The following CFAP46 variants were observed in gnomAD, a reference collection of about 807,000 sequenced individuals.
The protein encoded by CFAP46 is cilia and flagella associated protein 46, also known as cilia- and flagella-associated protein 46.
CFAP46 carries 245 observed loss-of-function variants against 325.7 expected under a neutral mutation model. The observed-to-expected ratio is 0.75, with a 90% CI of 0.68 to 0.84. CFAP46 has a LOEUF of 0.84. CFAP46 is among the 40% of genes least tolerant of loss of function. The probability of loss-of-function intolerance (pLI) is 0.00; values close to 1 mark genes in which losing one functional copy is unlikely to be tolerated. For synonymous variants in CFAP46, 1,523 were observed against 1,495.9 expected, an observed-to-expected ratio of 1.02 and a Z score of -0.42; for missense variants, 3,346 against 3,543.0, an observed-to-expected ratio of 0.94 and a Z score of 1.41.
intron 9 of CFAP46, among the ~76,000 whole-genome samples, chr10:132,927,600 A>G (rs1391580379): frequency 6.6e-6 from 1 of 152,206 alleles, no homozygotes; most frequent in Admixed American, 6.5e-5. Context: ...CCACTAAGGA[A>G]GCCATGCCAG....
intron 50 of CFAP46, among the ~76,000 whole-genome samples, chr10:132,821,825 CTG>C (rs1196240332): frequency 2.8e-3 from 286 of 103,294 alleles, no homozygotes; most frequent in African/African-American, 0.012. Context: ...TGTGTGCTGT[CTG>C]TGCGCTGTGT....
Position 132,832,889 on chromosome 10 carries a change from T to G in CFAP46, c.7117+469A>C, listed in dbSNP as rs954689932. The G allele has an allele frequency of 7.6e-5, 35 of 458,766 alleles. No individual in the cohort carries two copies. The highest frequency in any genetic ancestry group is 4.0e-4 in the Admixed American group (17 of 42,386). 28.4% of individuals were successfully genotyped at this position (458,766 alleles called of 1,614,324 possible). On this transcript the variant is annotated intron_variant, in intron 50 of 57. Transcript: ENST00000368586. This position sits in a 1 kb window ranked among gnomAD's most constrained non-coding sequence, Gnocchi z 4.1. ...GTATTTGTGGGGGCAAGAACAGCGT[T>G]AAGTTTGTCTTCCCTGTGTGTTTAG...
At chr10:132,933,231 G>A (rs1159168058) in intron 8 of CFAP46, among the ~76,000 whole-genome samples, 1 of 152,134 alleles carries the variant, frequency 6.6e-6, no homozygotes, top group African/African-American at 2.4e-5. Context: ...CTCTGCTGTT[G>A]GGCCCTCTCA....
chr10:132,925,014 C>T (rs975266879), intron 10 of CFAP46, 128 bp from the exon 11 acceptor site: 2 of 694,856 alleles, frequency 2.9e-6, no homozygotes, highest in African/African-American at 3.8e-5. Flanking sequence ...GCGTCATGCT[C>T]AAATCTGTCC....
At position 132,832,388 on chromosome 10, in the gene CFAP46, G is replaced by GCCC. The variant is rs60514588; in HGVS notation, c.7117+967_7117+969dup. ...TTGCGGAGACCCCTGGGCTCTTCCT[G>GCCC]CCCCCCCCCCCCAATGCTGTGGCCT... is the stretch of plus-strand genomic sequence containing the variant. On this transcript the variant is annotated intron_variant, in intron 50 of 57. Transcript: ENST00000368586. The surrounding 1 kb of genome is among the most constrained non-coding windows in gnomAD (Gnocchi z 4.1). Among the ~76,000 whole-genome samples, 21 of 106,048 alleles carry GCCC rather than the reference G, an allele frequency of 2.0e-4. 1 individual carries two copies. The highest frequency in any genetic ancestry group is 6.8e-4 in the African/African-American group (17 of 25,028). The allele number at this position is 106,048 out of a possible 152,430, so 69.6% of individuals were successfully genotyped here.
At position 132,913,151 on chromosome 10, in the gene CFAP46, T is replaced by C. The variant is rs1367631763; in HGVS notation, c.2228A>G (p.Tyr743Cys). 17 of 1,550,324 alleles carry C rather than the reference T, an allele frequency of 1.1e-5. No homozygotes were observed. The highest frequency in any genetic ancestry group is 1.3e-5 in the Non-Finnish European group (15 of 1,147,000). Residue 743 changes from tyrosine to cysteine, a missense_variant, in exon 18 of 58, where the codon TAC becomes TGC. Physicochemically the swap from Tyr to Cys is radical, Grantham distance 194. Transcript: ENST00000368586. The stretch of plus-strand genomic sequence containing the variant: ...CAGGTGGTGGTTGTGGTTCAGGACG[T>C]AGACCACGGCGTTCTGCACAATCCA... ...EAWIVQNAVV[Y>C]VLNHNHHLIL...
At chr10:132,843,375 G>A (rs1467575670) in intron 44 of CFAP46, among the ~76,000 whole-genome samples, 12 of 147,192 alleles carry the variant, frequency 8.2e-5, no homozygotes, top group South Asian at 2.2e-4. Context: ...CTCAGTGGGC[G>A]TTCCCAAGGT....
In CFAP46 at chr10:132,924,797, G is replaced by GGCC. The variant is rs1383355726; in HGVS notation, c.1154_1155insGGC (p.Ala385dup). On this transcript the variant is annotated inframe_insertion, in exon 11 of 58. Transcript: ENST00000368586. ...GGGGCAGGCAGGTGTTCCACTGCGT[G>GGCC]GCGCACACCACGTGGATGACCCGGG... 6.6e-7 allele frequency: 1 copy of GGCC among 1,510,666 alleles called. No individual in the cohort carries two copies. Among genetic ancestry groups the GGCC allele is most frequent in the Admixed American group, 2.3e-5 (1 of 43,770 alleles). The allele number at this position is 1,510,666 out of a possible 1,614,324, so 93.6% of individuals were successfully genotyped here.
At chr10:132,935,421 C>T (rs1194977674) in intron 7 of CFAP46, among the ~76,000 whole-genome samples, 16 of 143,748 alleles carry the variant, frequency 1.1e-4, no homozygotes, top group Admixed American at 2.0e-4. Flanking sequence ...ACACTGAGAT[C>T]TTCTCATTCC....
chr10:132,912,961 T>C, intron 18 of CFAP46, 85 bp downstream of exon 18: 8 of 1,498,596 alleles, frequency 5.3e-6, no homozygotes, highest in Non-Finnish European at 5.4e-6. Flanking sequence ...CAGAGGGCCA[T>C]GGAGTGCAGC....
At position 132,923,269 on chromosome 10, in the gene CFAP46, T is replaced by C. The variant is rs560951960; in HGVS notation, c.1257-561A>G. ...GGGGGTGCCCTGGAACCCCTGGCCTTGAGCAGCCATGTGGGGGTGCCCTGG... is the reference window on the plus strand; with the variant it reads ...GGGGGTGCCCTGGAACCCCTGGCCTCGAGCAGCCATGTGGGGGTGCCCTGG... On this transcript the variant is annotated intron_variant, in intron 11 of 57. Transcript: ENST00000368586. Among the ~76,000 whole-genome samples the C allele has an allele frequency of 6.9e-3, 754 of 109,086 alleles. 20 individuals carry two copies. The highest frequency in any genetic ancestry group is 0.02 in the African/African-American group (497 of 25,212). 71.6% of individuals were successfully genotyped at this position (109,086 alleles called of 152,430 possible). A position where few individuals can be genotyped will look rare whatever the true frequency, so the allele number is the denominator to read the frequency against.
At position 132,815,221 on chromosome 10, in the gene CFAP46, C is replaced by G. The variant is rs144779196; in HGVS notation, c.7118-307G>C. ...GTGCCTGCCATGCCCGGGCCCCTCA[C>G]TGGTTCCAGGGCCTTCTGTACAGGG... is the stretch of plus-strand genomic sequence containing the variant. On this transcript the variant is annotated intron_variant, in intron 50 of 57. Coordinates refer to ENST00000368586, the MANE Select transcript of CFAP46 (RefSeq NM_001200049.3). 1.5e-3 allele frequency among the ~76,000 whole-genome samples: 222 copies of G among 152,354 alleles called. 1 individual carries two copies. The highest frequency in any genetic ancestry group is 2.5e-3 in the Non-Finnish European group (167 of 68,042).
intron 31 of CFAP46, among the ~76,000 whole-genome samples, chr10:132,875,550 A>G (rs192059178): frequency 7.2e-5 from 11 of 152,340 alleles, no homozygotes; most frequent in Admixed American, 4.6e-4. Flanking sequence ...AACAGAAAGC[A>G]AGAGAGACCC....
At position 132,938,680 on chromosome 10, in the gene CFAP46, G is replaced by A. The variant is rs539075445; in HGVS notation, c.445C>T (p.Arg149Cys). 3.5e-5 allele frequency: 57 copies of A among 1,613,748 alleles called. No individual in the cohort carries two copies. The Admixed American group carries it at 3.7e-4, about 10-fold the overall frequency. ...MVRPFLKPGY[R>C]HHLIPSLSQI... ...GAAAGGCTGGGGATCAGATGGTGACGATATCCAGGCTTGAGGAACGGCCTC... is the reference window on the plus strand; with the variant it reads ...GAAAGGCTGGGGATCAGATGGTGACAATATCCAGGCTTGAGGAACGGCCTC... Residue 149 changes from arginine (R) to cysteine (C), a missense_variant, in exon 5 of 58, where the codon CGT becomes TGT. By Grantham distance (180) the Arg-to-Cys change is radical. Coordinates refer to ENST00000368586, the MANE Select transcript of CFAP46 (RefSeq NM_001200049.3).
Position 132,918,534 on chromosome 10 carries a change from C to T in CFAP46, c.1859-14G>A. The T allele has an allele frequency of 6.6e-7, 1 of 1,513,028 alleles. No individual in the cohort carries two copies. The highest frequency in any genetic ancestry group is 8.9e-7 in the Non-Finnish European group (1 of 1,122,106). 93.7% of individuals were successfully genotyped at this position (1,513,028 alleles called of 1,614,324 possible). Reference sequence around the variant, plus strand: ...GCTTCTTCTTCCCTGAGAGAAATGGCAGCAGGTAAGGATCATGTTTTTTTC... The same window carrying T: ...GCTTCTTCTTCCCTGAGAGAAATGGTAGCAGGTAAGGATCATGTTTTTTTC... On this transcript the variant is annotated splice_polypyrimidine_tract_variant and intron_variant, in intron 15 of 57. Transcript: ENST00000368586.
At chr10:132,836,643 C>A (rs1015810258) in intron 45 of CFAP46, among the ~76,000 whole-genome samples, 174 bp downstream of exon 45, 7 of 152,354 alleles carry the variant, frequency 4.6e-5, no homozygotes, top group African/African-American at 9.6e-5. Flanking sequence ...CGGCCCCCCC[C>A]CCTTGGGGTA....
intron 17 of CFAP46, among the ~76,000 whole-genome samples, chr10:132,914,088 A>AGCTCCCTTGAGCCT (rs1175905998): frequency 8.2e-6 from 1 of 121,632 alleles, no homozygotes; most frequent in East Asian, 2.5e-4. Context: ...GCCACACTGC[A>AGCTCCCTTGAGCCT]CCCCGGCCCG....
chr10:132,916,086 G>T (rs1194546179), intron 17 of CFAP46, among the ~76,000 whole-genome samples: 1 of 152,146 alleles, frequency 6.6e-6, no homozygotes, highest in Non-Finnish European at 1.5e-5. Flanking sequence ...GACACACAAG[G>T]CGTTTTCGAG....
At chr10:132,863,808 C>T (rs1472184066) in intron 35 of CFAP46, among the ~76,000 whole-genome samples, 2 of 142,734 alleles carry the variant, frequency 1.4e-5, no homozygotes, top group African/African-American at 5.3e-5. Flanking sequence ...CTGAGACCTG[C>T]ACGCACCTGT....
Sources: gnomAD v4.1 joint callset for allele counts (sites outside exome capture counted in the v4.1 genomes callset) on GRCh38, gnomAD v4.1.1 for gene constraint, Gnocchi (gnomAD v3.1) non-coding constraint, MANE v1.5 for transcripts, NCBI Gene and HGNC (gene_info 2026-07-23, HGNC 2026-07-21) for gene names.